ANO2: variants seen among roughly 807,000 people sequenced by gnomAD.
The protein encoded by ANO2 is anoctamin-2.
A neutral mutation model predicts 124.2 loss-of-function variants in ANO2; 101 were observed. The observed-to-expected ratio is 0.81, with a 90% CI of 0.69 to 0.96. ANO2 has a LOEUF of 0.96. Ranked by LOEUF, ANO2 falls within the 40% of genes least tolerant of loss-of-function variation. ANO2 has a pLI of 0.00. For missense variants in ANO2, 1,293 were observed against 1,274.5 expected (o/e 1.01, Z -0.22); for synonymous variants, 486 against 482.5 (o/e 1.01, Z -0.09).
chr12:5,848,116 C>T (rs776843989), intron 4 of ANO2, among the ~76,000 whole-genome samples: 15 of 152,188 alleles, frequency 9.9e-5, no homozygotes, highest in Non-Finnish European at 1.6e-4. Flanking sequence ...ACATGAAGAA[C>T]ATTGCAGAAG....
At chr12:5,598,548 G>A (rs934932600) in intron 20 of ANO2, among the ~76,000 whole-genome samples, 1 of 152,080 alleles carries the variant, frequency 6.6e-6, no homozygotes, top group Non-Finnish European at 1.5e-5. Flanking sequence ...TAGAGATGGA[G>A]TTTCACCATG....
chr12:5,567,288 C>A (rs574784116), intron 23 of ANO2, among the ~76,000 whole-genome samples: 1 of 152,232 alleles, frequency 6.6e-6, no homozygotes, highest in Non-Finnish European at 1.5e-5. Context: ...CAGCTGAGGA[C>A]AGAAACATGG....
intron 3 of ANO2, among the ~76,000 whole-genome samples, chr12:5,914,522 G>A (rs1264449557): frequency 6.6e-6 from 1 of 152,150 alleles, no homozygotes; most frequent in African/African-American, 2.4e-5. Context: ...TGGGCCCCCA[G>A]ACTTCCCTGA....
chr12:5,566,201 C>G (rs1340816447), intron 23 of ANO2, among the ~76,000 whole-genome samples: 1 of 152,212 alleles, frequency 6.6e-6, no homozygotes, highest in Non-Finnish European at 1.5e-5. Flanking sequence ...AAAAAGAAGG[C>G]TGATCCAGAC....
chr12:5,741,682 G>C (rs1951099807), intron 12 of ANO2, among the ~76,000 whole-genome samples: 1 of 152,200 alleles, frequency 6.6e-6, no homozygotes, highest in Admixed American at 6.5e-5. Flanking sequence ...TCCCAGTTCT[G>C]GGTGCTCATC....
chr12:5,924,299 A>G (rs919533179), intron 1 of ANO2, among the ~76,000 whole-genome samples: 3 of 152,260 alleles, frequency 2.0e-5, no homozygotes, highest in African/African-American at 7.2e-5. Context: ...TTATGAAGAC[A>G]GAGCTGACAT....
At chr12:5,665,867 C>A (rs997509531) in intron 14 of ANO2, among the ~76,000 whole-genome samples, 1 of 152,110 alleles carries the variant, frequency 6.6e-6, no homozygotes, top group Non-Finnish European at 1.5e-5. Flanking sequence ...CAGAGCCACC[C>A]CCCTGTGCCA....
rs966972576 is a variant in ANO2, at chr12:5,697,835, C to T, written c.1545+34685G>A. Among the ~76,000 whole-genome samples, 19 of 152,236 alleles carry T rather than the reference C, an allele frequency of 1.2e-4. No individual in the cohort carries two copies. The East Asian group carries it at 1.9e-3, about 15-fold the overall frequency. Reference sequence around the variant, plus strand: ...CCCGCACCTGGCTCGGAGGGTCCCACGCCCATGGAGCCTCGCTCATTGCTA... The same window carrying T: ...CCCGCACCTGGCTCGGAGGGTCCCATGCCCATGGAGCCTCGCTCATTGCTA... On this transcript the variant is annotated intron_variant, in intron 14 of 24. Transcript: ENST00000682330.
chr12:5,821,181 A>C (rs2137199094), intron 7 of ANO2, among the ~76,000 whole-genome samples: 1 of 152,356 alleles, frequency 6.6e-6, no homozygotes, highest in African/African-American at 2.4e-5. Context: ...TTTGCATGCC[A>C]GGGGATGGGA....
At chr12:5,699,124 C>T (rs1317662290) in intron 14 of ANO2, among the ~76,000 whole-genome samples, 1 of 152,082 alleles carries the variant, frequency 6.6e-6, no homozygotes, top group Non-Finnish European at 1.5e-5. Flanking sequence ...AAGAGCAACT[C>T]CAAGACACAT....
rs138963679 is a variant in ANO2, at chr12:5,794,093, T to C, written c.1055+5414A>G. The stretch of plus-strand genomic sequence containing the variant: ...CCAGCTGTTGCTGCTTTTCTCTGTC[T>C]ACCCTTCTCTCACACCCTCAGAGGT... On this transcript the variant is annotated intron_variant, in intron 10 of 24. Coordinates refer to ENST00000682330, the MANE Select transcript of ANO2 (RefSeq NM_001364791.2). Among the ~76,000 whole-genome samples, 723 of 152,348 alleles carry C rather than the reference T, an allele frequency of 4.7e-3. 6 individuals carry two copies. Among genetic ancestry groups the C allele is most frequent in the Non-Finnish European group, 7.6e-3 (515 of 68,034 alleles).
At chr12:5,638,060 T>C (rs1169690825) in intron 15 of ANO2, among the ~76,000 whole-genome samples, 1 of 152,092 alleles carries the variant, frequency 6.6e-6, no homozygotes, top group East Asian at 1.9e-4. Flanking sequence ...CAGTCTTTAG[T>C]CTCATACATA....
At chr12:5,881,936 T>C (rs1401899594) in intron 3 of ANO2, 1 of 152,220 alleles carries the variant, frequency 6.6e-6, no homozygotes, top group African/African-American at 2.4e-5. Context: ...ACATGGAAAC[T>C]TCCTGGCTGG....
intron 14 of ANO2, among the ~76,000 whole-genome samples, chr12:5,712,738 G>C (rs1949861978): frequency 6.6e-6 from 1 of 152,174 alleles, no homozygotes; most frequent in African/African-American, 2.4e-5. Context: ...TTAGCCCTAA[G>C]TTTTCTAGGA....
intron 14 of ANO2, among the ~76,000 whole-genome samples, chr12:5,688,433 A>G (rs1415998866): frequency 1.3e-5 from 2 of 152,082 alleles, no homozygotes; most frequent in Non-Finnish European, 2.9e-5. Context: ...CCCAGCTATA[A>G]CCCTCACAAA....
At chr12:5,852,268 T>C (rs887626479) in intron 4 of ANO2, among the ~76,000 whole-genome samples, 1 of 151,734 alleles carries the variant, frequency 6.6e-6, no homozygotes, top group Non-Finnish European at 1.5e-5. Context: ...GTATTAGGAG[T>C]GAGAGGACTG....
intron 3 of ANO2, among the ~76,000 whole-genome samples, chr12:5,895,681 G>T (rs1369728767): frequency 6.6e-6 from 1 of 151,960 alleles, no homozygotes; most frequent in African/African-American, 2.4e-5. Flanking sequence ...TTACACTGCT[G>T]GTGGGATGTA....
intron 3 of ANO2, among the ~76,000 whole-genome samples, chr12:5,890,186 G>C (rs1190859163): frequency 2.0e-5 from 3 of 152,146 alleles, no homozygotes; most frequent in Non-Finnish European, 4.4e-5. Flanking sequence ...GCCTCCCATG[G>C]CCAGAGTCCA....
intron 1 of ANO2, among the ~76,000 whole-genome samples, chr12:5,928,370 C>T (rs1367910064): frequency 6.6e-6 from 1 of 152,158 alleles, no homozygotes; most frequent in African/African-American, 2.4e-5. Flanking sequence ...AGCATCCGCA[C>T]TCTCCCAGGC....
Sources: gnomAD v4.1 joint callset for allele counts (sites outside exome capture counted in the v4.1 genomes callset) on GRCh38, gnomAD v4.1.1 for gene constraint, MANE v1.5 for transcripts, NCBI Gene and HGNC (gene_info 2026-07-23, HGNC 2026-07-21) for gene names.